The following KIAA0825 variants were observed in gnomAD, a reference collection of about 807,000 sequenced individuals.
KIAA0825 encodes the protein KIAA0825, also known as uncharacterized protein KIAA0825.
KIAA0825 carries 119 observed loss-of-function variants against 147.6 expected under a neutral mutation model. The ratio of observed to expected loss-of-function variants is 0.81; its 90% CI spans 0.69 to 0.94. The LOEUF is 0.94. KIAA0825 is among the 40% of genes least tolerant of loss of function. The pLI is 0.00. For synonymous variants in KIAA0825, 470 were observed against 518.1 expected (o/e 0.91, Z 1.26); for missense variants, 1,381 against 1,472.7 (o/e 0.94, Z 1.02).
At chr5:94,466,525 A>G (rs1760524816) in intron 10 of KIAA0825, among the ~76,000 whole-genome samples, 1 of 151,982 alleles carries the variant, frequency 6.6e-6, no homozygotes, top group Non-Finnish European at 1.5e-5. Flanking sequence ...CGAGACCATC[A>G]TGGCTAACAC....
chr5:94,185,384 G>A (rs1770029176), intron 20 of KIAA0825, among the ~76,000 whole-genome samples: 1 of 152,128 alleles, frequency 6.6e-6, no homozygotes, highest in African/African-American at 2.4e-5. Context: ...AGAATATGGT[G>A]TATGGTTGAG....
chr5:94,246,740 T>G (rs1775640824), intron 20 of KIAA0825, among the ~76,000 whole-genome samples: 1 of 152,176 alleles, frequency 6.6e-6, no homozygotes. Context: ...TATATCTGAA[T>G]GAAACTGAAT....
chr5:94,551,619 A>T (rs1054132867), intron 2 of KIAA0825, among the ~76,000 whole-genome samples: 3 of 152,100 alleles, frequency 2.0e-5, no homozygotes, highest in Non-Finnish European at 4.4e-5. Context: ...CAGCAAACCT[A>T]TCCTTCAGAA....
At chr5:94,579,366 G>A (rs72771701) in intron 2 of KIAA0825, among the ~76,000 whole-genome samples, 2 of 152,276 alleles carry the variant, frequency 1.3e-5, no homozygotes, top group East Asian at 3.9e-4. Context: ...ATAGTACATA[G>A]AGCAGTCTCT....
At chr5:94,294,846 C>A (rs543790712) in intron 20 of KIAA0825, among the ~76,000 whole-genome samples, 2 of 152,168 alleles carry the variant, frequency 1.3e-5, no homozygotes, top group Non-Finnish European at 2.9e-5. Flanking sequence ...CTCTGGCTGC[C>A]CTTAACATTG....
chr5:94,313,180 T>C (rs943531167), intron 20 of KIAA0825, among the ~76,000 whole-genome samples: 1 of 151,652 alleles, frequency 6.6e-6, no homozygotes, highest in Non-Finnish European at 1.5e-5. Context: ...TAAATACTGG[T>C]AATTATTAAG....
chr5:94,174,575 T>A (rs1768912039), intron 20 of KIAA0825, among the ~76,000 whole-genome samples: 1 of 152,290 alleles, frequency 6.6e-6, no homozygotes, highest in African/African-American at 2.4e-5. Context: ...ATGGAACTTG[T>A]TTGAGTACTA....
chr5:94,523,922 C>A lies in KIAA0825; in HGVS notation c.300+8G>T, dbSNP rs1277716089. 1 of 1,556,432 alleles carries A rather than the reference C, an allele frequency of 6.4e-7. No homozygotes were observed. Among genetic ancestry groups the A allele is most frequent in the East Asian group, 2.3e-5 (1 of 44,124 alleles). On this transcript the variant is annotated splice_region_variant and intron_variant, in intron 4 of 20. Transcript: ENST00000682413. Reference sequence around the variant, plus strand: ...CCCACTCCATGATAAAATAAAAATTCATTTTACCAGTGTTTTGAAAAATTT... The same window carrying A: ...CCCACTCCATGATAAAATAAAAATTAATTTTACCAGTGTTTTGAAAAATTT...
chr5:94,481,109 G>A (rs1444008321), intron 6 of KIAA0825, among the ~76,000 whole-genome samples: 1 of 152,012 alleles, frequency 6.6e-6, no homozygotes, highest in African/African-American at 2.4e-5. Context: ...AGAGAAGGTA[G>A]CCCACTTTCG....
intron 2 of KIAA0825, among the ~76,000 whole-genome samples, chr5:94,546,547 GGGTGTTTAGGAGAAA>G (rs1475401930): frequency 2.0e-5 from 3 of 151,908 alleles, no homozygotes; most frequent in African/African-American, 7.3e-5. Flanking sequence ...GAGAGACTCA[GGGTGTTTAGGAGAAA>G]GTAAGGGAGG....
intron 20 of KIAA0825, among the ~76,000 whole-genome samples, chr5:94,278,443 T>G (rs1777315486): frequency 6.6e-6 from 1 of 152,114 alleles, no homozygotes; most frequent in South Asian, 2.1e-4. Context: ...AATTTGGAAT[T>G]TAGAGAAAGC....
chr5:94,171,509 A>G (rs1335945920), intron 20 of KIAA0825, among the ~76,000 whole-genome samples: 5 of 152,160 alleles, frequency 3.3e-5, no homozygotes, highest in Admixed American at 2.6e-4. Flanking sequence ...GACCTTGTTT[A>G]TCATGTTTAC....
chr5:94,249,799 GT>G (rs3080905), intron 20 of KIAA0825, among the ~76,000 whole-genome samples: 9,262 of 132,686 alleles, frequency 0.07, 596 homozygotes, highest in African/African-American at 0.19. Flanking sequence ...TGCTCTGCTG[GT>G]TTTTTTTTTT....
intron 20 of KIAA0825, among the ~76,000 whole-genome samples, chr5:94,257,553 A>C (rs778984266): frequency 8.5e-5 from 13 of 152,076 alleles, no homozygotes; most frequent in Non-Finnish European, 1.5e-4. Context: ...TAAATTTCTT[A>C]AATGCAAAAA....
chr5:94,438,196 T>A (rs1756620876), intron 14 of KIAA0825, among the ~76,000 whole-genome samples: 1 of 152,220 alleles, frequency 6.6e-6, no homozygotes, highest in Non-Finnish European at 1.5e-5. Context: ...AGCTACTCGC[T>A]ATTTATCAGA....
rs1382918368 is a variant in KIAA0825, at chr5:94,151,624, C to T, written c.*2383G>A. ...TACTTTTATCTTCCTTTAAACTCAT[C>T]CCATTTTCCCCTTACTATACTTCCT... On this transcript the variant is annotated 3_prime_UTR_variant, in exon 21 of 21. Coordinates refer to ENST00000682413, the MANE Select transcript of KIAA0825 (RefSeq NM_001145678.3). 6.6e-6 allele frequency among the ~76,000 whole-genome samples: 1 copy of T among 152,034 alleles called. No individual in the cohort carries two copies. The highest frequency in any genetic ancestry group is 1.5e-5 in the Non-Finnish European group (1 of 68,006).
intron 14 of KIAA0825, among the ~76,000 whole-genome samples, chr5:94,424,899 A>C (rs775626654): frequency 3.9e-5 from 6 of 152,212 alleles, no homozygotes; most frequent in South Asian, 4.1e-4. Flanking sequence ...GAAGAAACGG[A>C]TAAATTCCTG....
intron 5 of KIAA0825, among the ~76,000 whole-genome samples, chr5:94,510,458 G>T (rs1022381731): frequency 2.6e-5 from 4 of 152,200 alleles, no homozygotes; most frequent in African/African-American, 9.6e-5. Flanking sequence ...TTTCTTCAGT[G>T]TTGAAAAGGA....
intron 20 of KIAA0825, among the ~76,000 whole-genome samples, chr5:94,339,340 AAAATTGTAGAT>A (rs1439201725): frequency 9.8e-5 from 15 of 152,294 alleles, no homozygotes; most frequent in African/African-American, 3.6e-4. Flanking sequence ...TGAGTTGCTA[AAAATTGTAGAT>A]AGATTTTTAC....
Sources: allele counts gnomAD v4.1 joint callset (sites outside exome capture counted in the v4.1 genomes callset), GRCh38; gene constraint gnomAD v4.1.1; transcripts MANE v1.5; gene names NCBI Gene and HGNC (gene_info 2026-07-23, HGNC 2026-07-21).